GABRB1: variants seen among roughly 807,000 people sequenced by gnomAD.
The protein encoded by GABRB1 is gamma-aminobutyric acid type A receptor subunit beta1.
A neutral mutation model predicts 51.6 loss-of-function variants in GABRB1; 17 were observed. The observed-to-expected ratio is 0.33, with a 90% CI of 0.23 to 0.49. The LOEUF is 0.49. GABRB1 is among the 20% of genes least tolerant of loss of function. GABRB1 has a pLI of 0.99. For synonymous variants in GABRB1, 247 were observed against 218.9 expected (o/e 1.13, Z -1.14); for missense variants, 410 against 600.6 (o/e 0.68, Z 3.32).
intron 3 of GABRB1, among the ~76,000 whole-genome samples, chr4:47,150,824 T>C (rs1717411299): frequency 6.6e-6 from 1 of 151,856 alleles, no homozygotes; most frequent in Non-Finnish European, 1.5e-5. Flanking sequence ...ACAATGCATA[T>C]GATTAAAAAG....
intron 5 of GABRB1, among the ~76,000 whole-genome samples, chr4:47,397,498 A>G (rs1728215821): frequency 6.6e-6 from 1 of 152,144 alleles, no homozygotes; most frequent in Non-Finnish European, 1.5e-5. Context: ...CACTGGGATC[A>G]CACTGTTGTA....
intron 3 of GABRB1, among the ~76,000 whole-genome samples, chr4:47,105,888 T>C (rs1264804307): frequency 6.6e-6 from 1 of 152,108 alleles, no homozygotes; most frequent in East Asian, 1.9e-4. Flanking sequence ...ACACTCAGCC[T>C]TCAGCAGTTC....
Position 47,327,902 on chromosome 4 carries a change from G to GT in GABRB1, c.544+7695dup, listed in dbSNP as rs1725314515. The stretch of plus-strand genomic sequence containing the variant: ...AATCGCCACACTGACTTCCACAATG[G>GT]TTGAACTAGTTTACAGTCCCACCAA... On this transcript the variant is annotated intron_variant, in intron 5 of 8. Transcript: ENST00000295454. Among the ~76,000 whole-genome samples the GT allele has an allele frequency of 1.3e-5, 2 of 152,120 alleles. 1 individual carries two copies. Among genetic ancestry groups the GT allele is most frequent in the South Asian group, 4.1e-4 (2 of 4,828 alleles).
At chr4:47,001,198 A>T (rs530347037) in intron 1 of GABRB1, among the ~76,000 whole-genome samples, 4 of 152,254 alleles carry the variant, frequency 2.6e-5, no homozygotes, top group East Asian at 3.9e-4. Context: ...GCTGGAGTAC[A>T]GTGGCGCGAT....
At chr4:47,402,649 C>A (rs1422090382) in intron 5 of GABRB1, among the ~76,000 whole-genome samples, 1 of 151,960 alleles carries the variant, frequency 6.6e-6, no homozygotes, top group Non-Finnish European at 1.5e-5. Flanking sequence ...TTACAATCTA[C>A]AGTTCCCTAC....
intron 3 of GABRB1, among the ~76,000 whole-genome samples, chr4:47,129,784 A>G (rs1456353242): frequency 3.9e-5 from 6 of 151,904 alleles, no homozygotes; most frequent in Non-Finnish European, 8.8e-5. Context: ...GTTTCTCATG[A>G]GAGGATGCAT....
Position 47,156,662 on chromosome 4 carries a change from A to G in GABRB1, c.241-4587A>G, listed in dbSNP as rs983009123. On this transcript the variant is annotated intron_variant, in intron 3 of 8. Transcript: ENST00000295454. ...ACCTTTAATCATCTCTAGATTTTAA[A>G]AAAAACATATATATGTTGTTTTGGG... Among the ~76,000 whole-genome samples, 61 of 152,046 alleles carry G rather than the reference A, an allele frequency of 4.0e-4. 1 individual carries two copies. Among genetic ancestry groups the G allele is most frequent in the African/African-American group, 1.5e-3 (61 of 41,442 alleles).
chr4:47,194,004 T>C (rs1719547943), intron 4 of GABRB1, among the ~76,000 whole-genome samples: 1 of 152,238 alleles, frequency 6.6e-6, no homozygotes. Flanking sequence ...AGTACATGTT[T>C]ACTTTGAAAA....
intron 3 of GABRB1, among the ~76,000 whole-genome samples, chr4:47,038,652 C>T (rs6447525): frequency 0.98 from 148,828 of 152,298 alleles, 72,748 homozygotes; most frequent in East Asian, 1. Flanking sequence ...TAGCTGAATA[C>T]CACTTAATAT....
At chr4:47,106,450 G>A (rs1714976085) in intron 3 of GABRB1, among the ~76,000 whole-genome samples, 1 of 151,978 alleles carries the variant, frequency 6.6e-6, no homozygotes. Flanking sequence ...TCTATATTAA[G>A]TTTACTATAT....
intron 1 of GABRB1, among the ~76,000 whole-genome samples, chr4:46,998,472 T>C (rs1257722620): frequency 2.0e-5 from 3 of 151,974 alleles, no homozygotes; most frequent in Non-Finnish European, 4.4e-5. Context: ...GTAGCTCACG[T>C]GTGTAATCCC....
intron 3 of GABRB1, among the ~76,000 whole-genome samples, chr4:47,045,959 A>G (rs896251270): frequency 6.6e-6 from 1 of 152,106 alleles, no homozygotes; most frequent in Admixed American, 6.6e-5. Context: ...TTTAGTTCCC[A>G]TAAACCCTAT....
chr4:47,030,098 C>T (rs1725239699), upstream of GABRB1, among the ~76,000 whole-genome samples: 1 of 151,994 alleles, frequency 6.6e-6, no homozygotes, highest in African/African-American at 2.4e-5. Flanking sequence ...GGTTATATTT[C>T]TTACATTGGA....
intron 4 of GABRB1, among the ~76,000 whole-genome samples, chr4:47,181,997 T>C (rs1285754662): frequency 6.6e-6 from 1 of 151,952 alleles, no homozygotes; most frequent in African/African-American, 2.4e-5. Flanking sequence ...TTTCCTGCAG[T>C]ATGGTGTAGT....
At chr4:47,055,934 G>T (rs891301321) in intron 3 of GABRB1, among the ~76,000 whole-genome samples, 4 of 152,156 alleles carry the variant, frequency 2.6e-5, no homozygotes, top group African/African-American at 9.7e-5. Context: ...CTTACAAAAT[G>T]CAAAGGCTTA....
chr4:47,098,732 G>A (rs966494949), intron 3 of GABRB1, among the ~76,000 whole-genome samples: 2 of 152,074 alleles, frequency 1.3e-5, no homozygotes, highest in Non-Finnish European at 2.9e-5. Context: ...CTGAGAATCT[G>A]AAGTGTTGGT....
At chr4:47,326,559 C>G (rs1211989963) in intron 5 of GABRB1, among the ~76,000 whole-genome samples, 1 of 152,048 alleles carries the variant, frequency 6.6e-6, no homozygotes, top group Non-Finnish European at 1.5e-5. Context: ...GGGTTTGGTA[C>G]TATTTGCAAT....
intron 5 of GABRB1, among the ~76,000 whole-genome samples, chr4:47,333,243 A>G (rs915849294): frequency 1.5e-4 from 20 of 136,344 alleles, no homozygotes; most frequent in Admixed American, 9.7e-4. Context: ...TATACACACC[A>G]CGTATTAATA....
chr4:47,031,014 C>A (rs552870422), upstream of GABRB1, among the ~76,000 whole-genome samples: 2 of 152,228 alleles, frequency 1.3e-5, no homozygotes, highest in East Asian at 1.9e-4. Flanking sequence ...GAAGTCTACA[C>A]CAAGCCAGAT....
Sources: allele counts gnomAD v4.1 joint callset (sites outside exome capture counted in the v4.1 genomes callset), GRCh38; gene constraint gnomAD v4.1.1; transcripts MANE v1.5; gene names NCBI Gene and HGNC (gene_info 2026-07-23, HGNC 2026-07-21).